The following IQSEC1 variants were observed in gnomAD, a reference collection of about 807,000 sequenced individuals.
The protein encoded by IQSEC1 is IQ motif and Sec7 domain ArfGEF 1, also known as IQ motif and SEC7 domain-containing protein 1.
Under a neutral mutation model 91.0 loss-of-function variants are expected in IQSEC1, and 31 were observed. That is an observed-to-expected ratio of 0.34 (90% confidence interval 0.26 to 0.46). The LOEUF (loss-of-function observed/expected upper bound fraction) is 0.46, where lower values mean the gene tolerates loss of function less well. Among genes scored for constraint, IQSEC1 ranks in the 20% least tolerant of loss-of-function variants. The pLI is 1.00. For missense variants in IQSEC1, 1,388 were observed against 1,575.6 expected (o/e 0.88, Z 2.02); for synonymous variants, 699 against 662.6 (o/e 1.05, Z -0.84).
chr3:12,955,756 A>G (rs984544317), intron 1 of IQSEC1, among the ~76,000 whole-genome samples: 1 of 152,218 alleles, frequency 6.6e-6, no homozygotes, highest in African/African-American at 2.4e-5. Flanking sequence ...GGTGAGGATG[A>G]GGCCCATCCC....
chr3:12,918,665 A>G (rs539219622), intron 6 of IQSEC1, among the ~76,000 whole-genome samples: 1 of 152,238 alleles, frequency 6.6e-6, no homozygotes, highest in East Asian at 1.9e-4. Flanking sequence ...AAAAATAAAA[A>G]TTAAAAATTA....
intron 1 of IQSEC1, among the ~76,000 whole-genome samples, chr3:13,205,158 G>A (rs1343041120): frequency 2.0e-5 from 3 of 152,090 alleles, no homozygotes; most frequent in African/African-American, 7.3e-5. Context: ...ACTTGGTACT[G>A]CTACAGCGAA....
intron 1 of IQSEC1, chr3:12,986,942 G>C: frequency 2.8e-6 from 1 of 362,762 alleles, no homozygotes; most frequent in Non-Finnish European, 5.5e-6. Flanking sequence ...TACTAATAGT[G>C]GGGCTGGCCC....
In IQSEC1 at chr3:13,211,177, G is replaced by A. The variant is rs897852209; in HGVS notation, c.273-47044C>T. On this transcript the variant is annotated intron_variant, in intron 1 of 15. Coordinates refer to the IQSEC1 transcript ENST00000648114. The surrounding 1 kb of genome is among the most constrained non-coding windows in gnomAD (Gnocchi z 5.3). ...GCAGTCTGTGTGGACAAGACACAGG[G>A]CAGGAGAACAGTGTAAGCACAGCCT... 1.2e-4 allele frequency among the ~76,000 whole-genome samples: 18 copies of A among 152,224 alleles called. No homozygotes were observed. The highest frequency in any genetic ancestry group is 1.3e-4 in the Admixed American group (2 of 15,288).
intron 2 of IQSEC1, among the ~76,000 whole-genome samples, chr3:13,127,083 G>A (rs1265600341): frequency 1.3e-5 from 2 of 152,078 alleles, no homozygotes; most frequent in African/African-American, 4.8e-5. Context: ...TTGCATCTTT[G>A]TTAAAAGTCA....
intron 1 of IQSEC1, among the ~76,000 whole-genome samples, chr3:13,044,961 C>A (rs753836594): frequency 6.6e-6 from 1 of 152,252 alleles, no homozygotes; most frequent in Non-Finnish European, 1.5e-5. Context: ...CACCAATGCT[C>A]TTCTGGTCTC....
intron 1 of IQSEC1, among the ~76,000 whole-genome samples, chr3:12,946,499 A>G (rs1699191618): frequency 6.6e-6 from 1 of 152,234 alleles, no homozygotes; most frequent in South Asian, 2.1e-4. Context: ...CAAAGGAAAT[A>G]AGACCAATGT....
intron 1 of IQSEC1, among the ~76,000 whole-genome samples, chr3:13,277,095 T>C (rs1181789167): frequency 9.7e-6 from 1 of 103,246 alleles, no homozygotes; most frequent in Non-Finnish European, 1.7e-5. Context: ...AGGCAAAGCA[T>C]TGCTCCTCCT....
At chr3:13,055,377 G>A (rs1476713053) in intron 1 of IQSEC1, among the ~76,000 whole-genome samples, 1 of 152,162 alleles carries the variant, frequency 6.6e-6, no homozygotes, top group Non-Finnish European at 1.5e-5. Context: ...ACTCTGGCAG[G>A]GGGAGTCTCA....
At chr3:13,114,473 TC>T (rs1034400326) in intron 2 of IQSEC1, among the ~76,000 whole-genome samples, 1 of 152,132 alleles carries the variant, frequency 6.6e-6, no homozygotes, top group Non-Finnish European at 1.5e-5. Flanking sequence ...TTTCAAATTT[TC>T]CCTGGGTCTG....
rs891273794 is a variant in IQSEC1, at chr3:13,100,524, C to T, written c.303-53002G>A. On this transcript the variant is annotated intron_variant, in intron 2 of 15. Transcript: ENST00000648114. ...ACTTCCTGAACACCTCCTTGAGCTC[C>T]GCCTCTTGCAGCTAGAGTTGGGACA... is the stretch of plus-strand genomic sequence containing the variant. Among the ~76,000 whole-genome samples the T allele has an allele frequency of 5.4e-5, 8 of 148,698 alleles. 2 individuals are homozygous for T. In the South Asian group the frequency reaches 8.4e-4, roughly 16 times the overall value.
At chr3:13,119,023 C>T (rs759518351) in intron 2 of IQSEC1, among the ~76,000 whole-genome samples, 1 of 151,566 alleles carries the variant, frequency 6.6e-6, no homozygotes, top group African/African-American at 2.4e-5. Context: ...TGCAGTGAGT[C>T]GAGATCGTGC....
intron 1 of IQSEC1, among the ~76,000 whole-genome samples, chr3:12,945,648 G>A (rs543528971): frequency 6.6e-6 from 1 of 152,194 alleles, no homozygotes; most frequent in East Asian, 1.9e-4. Context: ...GTGGACAAAA[G>A]TGAGCACAGT....
chr3:13,012,598 G>A (rs1381173109), intron 1 of IQSEC1, among the ~76,000 whole-genome samples: 3 of 152,232 alleles, frequency 2.0e-5, no homozygotes, highest in Non-Finnish European at 4.4e-5. Flanking sequence ...CCGAATGAAA[G>A]GAAATGCCTA....
At chr3:13,024,714 CCCACCCAT>C (rs1476078406) in intron 1 of IQSEC1, among the ~76,000 whole-genome samples, 1 of 150,308 alleles carries the variant, frequency 6.7e-6, no homozygotes, top group South Asian at 2.1e-4. Flanking sequence ...TGTCCATCCA[CCCACCCAT>C]CCACCCATCT....
chr3:13,040,346 T>G (rs755293211), intron 1 of IQSEC1, among the ~76,000 whole-genome samples: 1 of 152,344 alleles, frequency 6.6e-6, no homozygotes, highest in Non-Finnish European at 1.5e-5. Flanking sequence ...TTAACATTCA[T>G]GAGTTGTTAA....
chr3:13,002,541 G>C (rs1576146867), intron 1 of IQSEC1, among the ~76,000 whole-genome samples: 1 of 96,836 alleles, frequency 1.0e-5, no homozygotes, highest in Non-Finnish European at 2.0e-5. Context: ...AGTGAGACCT[G>C]ATCTCCAAAA....
At chr3:13,007,437 C>T (rs1702686540) in intron 1 of IQSEC1, among the ~76,000 whole-genome samples, 1 of 152,224 alleles carries the variant, frequency 6.6e-6, no homozygotes, top group Non-Finnish European at 1.5e-5. Context: ...CTGCCCCACC[C>T]ACTGCACCGG....
chr3:13,086,316 A>G (rs1471890396), intron 2 of IQSEC1, among the ~76,000 whole-genome samples: 3 of 149,322 alleles, frequency 2.0e-5, no homozygotes, highest in Admixed American at 6.8e-5. Flanking sequence ...GGGATGACAC[A>G]GCACATGCTC....
Sources: allele counts gnomAD v4.1 joint callset (sites outside exome capture counted in the v4.1 genomes callset), GRCh38; gene constraint gnomAD v4.1.1; non-coding constraint Gnocchi (gnomAD v3.1); transcripts MANE v1.5; gene names NCBI Gene and HGNC (gene_info 2026-07-23, HGNC 2026-07-21).